ZMYM2: variants seen among roughly 807,000 people sequenced by gnomAD.
ZMYM2 encodes zinc finger MYM-type containing 2.
In ZMYM2, 56 loss-of-function variants were observed where a neutral mutation model predicts 162.8. The ratio of observed to expected loss-of-function variants is 0.34; its 90% CI spans 0.28 to 0.43. The LOEUF (loss-of-function observed/expected upper bound fraction) is 0.43, where lower values mean the gene tolerates loss of function less well. Among genes scored for constraint, ZMYM2 ranks in the 20% least tolerant of loss-of-function variants. The pLI, the probability that ZMYM2 is intolerant of heterozygous loss-of-function variation, is 1.00. For missense variants in ZMYM2, 1,275 were observed against 1,621.8 expected (o/e 0.79, Z 3.67); for synonymous variants, 510 against 541.6 (o/e 0.94, Z 0.81).
the ZMYM2 span, among the ~76,000 whole-genome samples, chr13:19,939,317 C>T: frequency 6.6e-6 from 1 of 151,918 alleles, no homozygotes; most frequent in Admixed American, 6.5e-5. Flanking sequence ...AGCCACCGCA[C>T]CCAGCCGTAA....
At chr13:19,979,795 T>C (rs185880767) in intron 2 of ZMYM2, among the ~76,000 whole-genome samples, 10 of 152,340 alleles carry the variant, frequency 6.6e-5, no homozygotes, top group South Asian at 2.1e-4. Flanking sequence ...TATTCACTTA[T>C]GAATGATCAC....
At position 19,993,151 on chromosome 13, in the gene ZMYM2, A is replaced by G. The variant is rs751584219; in HGVS notation, c.79A>G (p.Ser27Gly). The change falls in exon 3 of 25, where the codon AGT becomes GGT. Residue 27 changes from serine (S) to glycine (G), a missense_variant. Ser to Gly is a moderately conservative substitution (Grantham distance 56). Around this residue, in one of 10 missense-constraint regions of ZMYM2, gnomAD observed 295 missense variants for 286.7 expected, o/e 1.03. Transcript: ENST00000610343. ...VLLGSTAMAT[S>G]LTNVGNSFSG... Reference sequence around the variant, plus strand: ...ATTAGGGAGTACGGCCATGGCAACTAGTCTCACGAATGTAGGAAACTCATT... The same window carrying G: ...ATTAGGGAGTACGGCCATGGCAACTGGTCTCACGAATGTAGGAAACTCATT... 1 of 1,614,140 alleles carries G rather than the reference A, an allele frequency of 6.2e-7. No individual in the cohort carries two copies. The highest frequency in any genetic ancestry group is 1.1e-5 in the South Asian group (1 of 91,082).
At chr13:19,926,253 G>A in the ZMYM2 span, among the ~76,000 whole-genome samples, 12 of 148,882 alleles carry the variant, frequency 8.1e-5, no homozygotes, top group Admixed American at 4.7e-4. Flanking sequence ...GAGTCACTGC[G>A]CCTGACCAAG....
intron 18 of ZMYM2, among the ~76,000 whole-genome samples, chr13:20,063,403 TAAAAAAAAAA>T (rs774452570): frequency 1.7e-5 from 2 of 121,202 alleles, no homozygotes; most frequent in African/African-American, 3.1e-5. Flanking sequence ...ACCCTGTCTT[TAAAAAAAAAA>T]AAAAAAAAAA....
At chr13:19,979,428 CTTTT>C (rs71763618) in intron 2 of ZMYM2, among the ~76,000 whole-genome samples, 8 of 110,840 alleles carry the variant, frequency 7.2e-5, no homozygotes, top group Non-Finnish European at 1.5e-4. Flanking sequence ...TTTTTCTGCA[CTTTT>C]TTTTTTTTTT....
the ZMYM2 span, among the ~76,000 whole-genome samples, chr13:19,930,758 C>T: frequency 1.3e-5 from 2 of 151,336 alleles, no homozygotes; most frequent in African/African-American, 2.4e-5. Context: ...AGGCTGGTCT[C>T]GAACTCCTGA....
intron 5 of ZMYM2, 89 bp from the exon 6 acceptor site, chr13:20,006,285 G>A (rs1950743432): frequency 1.5e-6 from 2 of 1,311,114 alleles, no homozygotes; most frequent in Middle Eastern, 2.2e-4. Flanking sequence ...GCCTTATTAG[G>A]ACATCTTTAT....
chr13:19,948,426 G>A, the ZMYM2 span, among the ~76,000 whole-genome samples: 2 of 152,154 alleles, frequency 1.3e-5, no homozygotes, highest in Non-Finnish European at 2.9e-5. Flanking sequence ...CGCTTAAAAA[G>A]AAATGAATGA....
chr13:20,036,003 G>T (rs573738409), intron 11 of ZMYM2, among the ~76,000 whole-genome samples: 1 of 152,182 alleles, frequency 6.6e-6, no homozygotes, highest in South Asian at 2.1e-4. Flanking sequence ...TTTAAACTAG[G>T]TTGATCGTGG....
intron 14 of ZMYM2, among the ~76,000 whole-genome samples, chr13:20,055,741 A>G (rs991587476): frequency 2.6e-5 from 4 of 152,228 alleles, no homozygotes; most frequent in African/African-American, 9.6e-5. Context: ...TTTGTGGTAC[A>G]GCTAAGGAAA....
chr13:19,959,551 T>A (rs529464492), intron 1 of ZMYM2, among the ~76,000 whole-genome samples: 42 of 152,206 alleles, frequency 2.8e-4, no homozygotes, highest in African/African-American at 9.4e-4. Context: ...GTGGGCGATA[T>A]CGGCCCAGCA....
chr13:19,906,284 G>GTATATATATA, the ZMYM2 span, among the ~76,000 whole-genome samples: 343 of 63,758 alleles, frequency 5.4e-3, 12 homozygotes, highest in East Asian at 0.013. Flanking sequence ...TCAAAAAAAA[G>GTATATATATA]TATATATATA....
upstream of ZMYM2, among the ~76,000 whole-genome samples, chr13:19,954,330 G>GTATTAGCCAGGA (rs759697323): frequency 6.6e-6 from 1 of 150,942 alleles, no homozygotes; most frequent in Admixed American, 6.6e-5. Flanking sequence ...GGGTTTCACC[G>GTATTAGCCAGGA]TGGTCTCGAT....
the ZMYM2 span, among the ~76,000 whole-genome samples, chr13:19,886,008 T>TATGTGTGTATACAC: frequency 1.8e-5 from 2 of 111,034 alleles, no homozygotes; most frequent in African/African-American, 3.1e-5. Context: ...TGTGTATATA[T>TATGTGTGTATACAC]ATAGTTTAGA....
At chr13:19,970,132 C>A in intron 2 of ZMYM2, 2 of 866,218 alleles carry the variant, frequency 2.3e-6, no homozygotes, top group Non-Finnish European at 1.4e-6. Flanking sequence ...AATTTGTTAT[C>A]AAAAACAGTC....
rs149806103 is a variant in ZMYM2, at chr13:20,021,678, T to C, written c.1584+2060T>C. The stretch of plus-strand genomic sequence containing the variant: ...CATCCTACTCTTGAACAGGTAGCAA[T>C]ACAGAGTACTCCTGGCCATGTGTGT... On this transcript the variant is annotated intron_variant, in intron 7 of 24. Coordinates refer to ENST00000610343, the MANE Select transcript of ZMYM2 (RefSeq NM_197968.4). Among the ~76,000 whole-genome samples the C allele has an allele frequency of 1.1e-3, 171 of 152,226 alleles. 1 individual carries two copies. In the Middle Eastern group the frequency reaches 0.017, roughly 15 times the overall value.
chr13:20,064,395 G>T, intron 18 of ZMYM2, 56 bp from the exon 19 acceptor site: 1 of 1,469,006 alleles, frequency 6.8e-7, no homozygotes. Context: ...TGTTGGCTGT[G>T]TTTATGTAAC....
At chr13:19,988,628 A>C (rs983466208) in intron 2 of ZMYM2, among the ~76,000 whole-genome samples, 3 of 152,092 alleles carry the variant, frequency 2.0e-5, no homozygotes, top group Admixed American at 6.6e-5. Flanking sequence ...CTGAAAACAC[A>C]AAAAATTAGC....
chr13:19,936,194 G>A, the ZMYM2 span, among the ~76,000 whole-genome samples: 1 of 152,154 alleles, frequency 6.6e-6, no homozygotes, highest in East Asian at 1.9e-4. Flanking sequence ...ACTTTGTCAT[G>A]AAGAGGGTTC....
Sources: allele counts gnomAD v4.1 joint callset (sites outside exome capture counted in the v4.1 genomes callset), GRCh38; gene constraint gnomAD v4.1.1; regional missense constraint gnomAD v4.1.1; transcripts MANE v1.5; gene names NCBI Gene and HGNC (gene_info 2026-07-23, HGNC 2026-07-21).